Variants in TCF7L1 observed in about 807,000 individuals in gnomAD.
TCF7L1 encodes transcription factor 7 like 1.
A neutral mutation model predicts 63.7 loss-of-function variants in TCF7L1; 18 were observed. The ratio of observed to expected loss-of-function variants is 0.28; its 90% CI spans 0.20 to 0.42. The LOEUF (loss-of-function observed/expected upper bound fraction) is 0.42. Among genes scored for constraint, TCF7L1 ranks in the 10% least tolerant of loss-of-function variants. The pLI is 1.00. For missense variants in TCF7L1, 654 were observed against 779.3 expected, an observed-to-expected ratio of 0.84 and a Z score of 1.91; for synonymous variants, 355 against 340.9, an observed-to-expected ratio of 1.04 and a Z score of -0.46.
chr2:85,172,301 G>A (rs563267075), intron 3 of TCF7L1, among the ~76,000 whole-genome samples: 11 of 152,014 alleles, frequency 7.2e-5, no homozygotes, highest in East Asian at 5.8e-4. Flanking sequence ...TGACCTCCCC[G>A]TGGCCCCTGT....
intron 3 of TCF7L1, among the ~76,000 whole-genome samples, chr2:85,240,030 T>A (rs1451126853): frequency 6.6e-6 from 1 of 151,892 alleles, no homozygotes; most frequent in Admixed American, 6.6e-5. Context: ...TGTAACCCAA[T>A]TCATCAACAG....
intron 3 of TCF7L1, among the ~76,000 whole-genome samples, chr2:85,189,091 C>A (rs1346003698): frequency 1.3e-5 from 2 of 152,148 alleles, no homozygotes; most frequent in African/African-American, 4.8e-5. Flanking sequence ...TGTAAATAGA[C>A]TTCTCTGCTC....
chr2:85,246,869 G>A (rs548657628), intron 3 of TCF7L1, among the ~76,000 whole-genome samples: 5 of 152,280 alleles, frequency 3.3e-5, no homozygotes, highest in Admixed American at 2.0e-4. Flanking sequence ...TCCACTTGTA[G>A]GACAGGAGAA....
In TCF7L1 at chr2:85,255,092, G is replaced by A. The variant is rs149879797; in HGVS notation, c.442-28403G>A. On this transcript the variant is annotated intron_variant, in intron 3 of 11. Transcript: ENST00000282111. ...CCTTCTGATGATGCGCCCAGTCTGA[G>A]GCCTCACTGAGATGGCCTCAAGAGT... 5.5e-3 allele frequency among the ~76,000 whole-genome samples: 843 copies of A among 152,216 alleles called. 8 individuals carry two copies. Among genetic ancestry groups the A allele is most frequent in the African/African-American group, 0.02 (811 of 41,512 alleles).
intron 3 of TCF7L1, among the ~76,000 whole-genome samples, chr2:85,271,055 C>A (rs907172296): frequency 1.3e-5 from 2 of 152,082 alleles, no homozygotes; most frequent in Non-Finnish European, 2.9e-5. Flanking sequence ...ACATAAACGC[C>A]CAAAGTCCTA....
At chr2:85,159,679 C>T (rs534838441) in intron 3 of TCF7L1, among the ~76,000 whole-genome samples, 9 of 152,370 alleles carry the variant, frequency 5.9e-5, no homozygotes, top group Non-Finnish European at 1.0e-4. Flanking sequence ...CGCCTTCAGG[C>T]TTCCTTGACC....
chr2:85,227,268 A>G (rs1679978693), intron 3 of TCF7L1, among the ~76,000 whole-genome samples: 1 of 151,612 alleles, frequency 6.6e-6, no homozygotes, highest in South Asian at 2.1e-4. Context: ...ACACTGTCAA[A>G]CCCCCTCTGA....
intron 3 of TCF7L1, among the ~76,000 whole-genome samples, chr2:85,263,013 A>G (rs368023525): frequency 2.6e-5 from 4 of 152,266 alleles, no homozygotes; most frequent in African/African-American, 2.4e-5. Flanking sequence ...TGACAGTTGC[A>G]CCTTTTCCAT....
chr2:85,269,282 A>G (rs528489954), intron 3 of TCF7L1, among the ~76,000 whole-genome samples: 8 of 152,274 alleles, frequency 5.3e-5, no homozygotes, highest in South Asian at 2.1e-4. Context: ...CTATTTACAT[A>G]ATTATTTTTC....
At chr2:85,237,967 G>C (rs1297660918) in intron 3 of TCF7L1, among the ~76,000 whole-genome samples, 1 of 152,048 alleles carries the variant, frequency 6.6e-6, no homozygotes, top group Non-Finnish European at 1.5e-5. Context: ...AAGGTGATGC[G>C]GGCAGGACCC....
chr2:85,177,753 C>T (rs1047890070), intron 3 of TCF7L1, among the ~76,000 whole-genome samples: 1 of 152,114 alleles, frequency 6.6e-6, no homozygotes, highest in African/African-American at 2.4e-5. Flanking sequence ...CGATTATAAT[C>T]CTACCACCTA....
intron 3 of TCF7L1, among the ~76,000 whole-genome samples, chr2:85,253,935 C>T (rs1680647769): frequency 6.6e-6 from 1 of 152,338 alleles, no homozygotes; most frequent in African/African-American, 2.4e-5. Context: ...TCATGTGTGA[C>T]CTTGCAGTGG....
At chr2:85,291,384 T>C (rs957659322) in intron 4 of TCF7L1, among the ~76,000 whole-genome samples, 14 of 152,204 alleles carry the variant, frequency 9.2e-5, no homozygotes, top group African/African-American at 3.4e-4. Context: ...GTTCTACCTT[T>C]CACAAAACAC....
chr2:85,297,043 A>T (rs965513188), intron 4 of TCF7L1, among the ~76,000 whole-genome samples: 1 of 152,214 alleles, frequency 6.6e-6, no homozygotes, highest in African/African-American at 2.4e-5. Context: ...TTTTCCTTCA[A>T]GCACCCATGC....
At chr2:85,176,654 A>G (rs928297463) in intron 3 of TCF7L1, among the ~76,000 whole-genome samples, 8 of 152,122 alleles carry the variant, frequency 5.3e-5, no homozygotes, top group African/African-American at 1.9e-4. Flanking sequence ...AAATCAGTAG[A>G]TTTTGGAAGC....
intron 3 of TCF7L1, among the ~76,000 whole-genome samples, chr2:85,251,241 T>G (rs940102549): frequency 3.9e-5 from 6 of 152,238 alleles, no homozygotes; most frequent in African/African-American, 1.4e-4. Flanking sequence ...AATAATGTTT[T>G]GCAATAACCA....
At chr2:85,227,992 C>A (rs1418243257) in intron 3 of TCF7L1, among the ~76,000 whole-genome samples, 46 of 79,526 alleles carry the variant, frequency 5.8e-4, no homozygotes, top group Non-Finnish European at 6.7e-4. Flanking sequence ...ACCCTGTCTC[C>A]AAAAAAAAAA....
chr2:85,289,967 C>G (rs6759268), intron 4 of TCF7L1, among the ~76,000 whole-genome samples: 49,957 of 147,516 alleles, frequency 0.34, 8,587 homozygotes, highest in African/African-American at 0.41. Context: ...AGCCACCACG[C>G]CTAGCCCAGT....
rs1224317133 is a variant in TCF7L1, at chr2:85,303,789, G to C, written c.659-106G>C. Reference sequence around the variant, plus strand: ...AGGACAATGACACAAGCACCTGCTAGGCTCCAGAGCACCAGGGACATAGGG... The same window carrying C: ...AGGACAATGACACAAGCACCTGCTACGCTCCAGAGCACCAGGGACATAGGG... On this transcript the variant is annotated intron_variant, in intron 5 of 11. Coordinates refer to ENST00000282111, the MANE Select transcript of TCF7L1 (RefSeq NM_031283.3). 1.1e-5 allele frequency: 9 copies of C among 810,764 alleles called. No individual in the cohort carries two copies. In the East Asian group the frequency reaches 2.3e-4, roughly 21 times the overall value. The allele number at this position is 810,764 out of a possible 1,614,324, so 50.2% of individuals were successfully genotyped here.
Sources: allele counts gnomAD v4.1 joint callset (sites outside exome capture counted in the v4.1 genomes callset), GRCh38; gene constraint gnomAD v4.1.1; transcripts MANE v1.5; gene names NCBI Gene and HGNC (gene_info 2026-07-23, HGNC 2026-07-21).